SLC35F4: variants seen among roughly 807,000 people sequenced by gnomAD.
The protein encoded by SLC35F4 is chromosome 14 open reading frame 36.
In SLC35F4, 24 loss-of-function variants were observed where a neutral mutation model predicts 44.2. That is an observed-to-expected ratio of 0.54 (90% CI 0.39 to 0.76). SLC35F4 has a LOEUF of 0.76. Among genes scored for constraint, SLC35F4 ranks in the 30% least tolerant of loss-of-function variants. SLC35F4 has a pLI of 0.00. For missense variants in SLC35F4, 562 were observed against 586.1 expected (o/e 0.96, Z 0.42); for synonymous variants, 238 against 223.6 (o/e 1.06, Z -0.57).
chr14:57,698,695 T>C (rs1008591988), intron 1 of SLC35F4, among the ~76,000 whole-genome samples: 2 of 151,210 alleles, frequency 1.3e-5, no homozygotes, highest in Non-Finnish European at 2.9e-5. Context: ...TGGAGTGCAG[T>C]GGCATGATCT....
chr14:57,611,557 T>A (rs892826381), intron 1 of SLC35F4, among the ~76,000 whole-genome samples: 1 of 144,902 alleles, frequency 6.9e-6, no homozygotes, highest in Admixed American at 7.0e-5. Context: ...AGCAGAGTCA[T>A]AGAGCTGAGA....
At chr14:57,838,982 T>G (rs1885221970) in intron 1 of SLC35F4, among the ~76,000 whole-genome samples, 1 of 152,162 alleles carries the variant, frequency 6.6e-6, no homozygotes, top group South Asian at 2.1e-4. Flanking sequence ...CTTGTTGAGC[T>G]CATATTGCCA....
intron 1 of SLC35F4, among the ~76,000 whole-genome samples, chr14:57,861,611 C>T (rs527784510): frequency 1.3e-5 from 2 of 152,288 alleles, no homozygotes; most frequent in East Asian, 3.9e-4. Context: ...TTTATCTATC[C>T]TTATGTGCTC....
At chr14:57,669,344 C>G (rs1475954866) in intron 1 of SLC35F4, among the ~76,000 whole-genome samples, 2 of 151,884 alleles carry the variant, frequency 1.3e-5, no homozygotes, top group East Asian at 3.9e-4. Context: ...CCTGATTGCC[C>G]TGACCAGAAC....
intron 1 of SLC35F4, among the ~76,000 whole-genome samples, chr14:57,801,979 C>T (rs1415524135): frequency 6.6e-6 from 1 of 152,110 alleles, no homozygotes; most frequent in African/African-American, 2.4e-5. Flanking sequence ...ATCAAGTGGA[C>T]CCAATAGATA....
Position 57,582,569 on chromosome 14 carries a change from A to G in SLC35F4, c.588-1136T>C, listed in dbSNP as rs529553965. Among the ~76,000 whole-genome samples, 25 of 152,330 alleles carry G rather than the reference A, an allele frequency of 1.6e-4. No individual in the cohort carries two copies. In the South Asian group the frequency reaches 3.9e-3, roughly 24 times the overall value. On this transcript the variant is annotated intron_variant, in intron 3 of 7. Coordinates refer to ENST00000556826, the MANE Select transcript of SLC35F4 (RefSeq NM_001306087.2). ...TACAGGCAATAATGGAAGTGATACA[A>G]TGACTGTACCTATACGACTATGGAC...
intron 1 of SLC35F4, among the ~76,000 whole-genome samples, chr14:57,669,433 T>A (rs1293116043): frequency 6.6e-6 from 1 of 152,074 alleles, no homozygotes; most frequent in East Asian, 1.9e-4. Flanking sequence ...ATGCTTCCAG[T>A]TTTTGCCCAT....
chr14:57,919,924 G>C (rs183599288), intron 1 of SLC35F4, among the ~76,000 whole-genome samples: 1 of 152,182 alleles, frequency 6.6e-6, no homozygotes. Flanking sequence ...TTTTAGACAT[G>C]GTCATTCTGT....
intron 1 of SLC35F4, among the ~76,000 whole-genome samples, chr14:57,619,034 G>T (rs185347155): frequency 6.6e-6 from 1 of 152,280 alleles, no homozygotes; most frequent in African/African-American, 2.4e-5. Context: ...AAAGGCGGCA[G>T]CTCCAGTCAG....
chr14:57,696,914 G>A (rs2075398851), intron 1 of SLC35F4, among the ~76,000 whole-genome samples: 1 of 152,086 alleles, frequency 6.6e-6, no homozygotes, highest in South Asian at 2.1e-4. Context: ...ACCGGGGCCT[G>A]TCCGGGGTTG....
At chr14:57,889,459 C>G (rs1888716249) in intron 1 of SLC35F4, among the ~76,000 whole-genome samples, 1 of 152,224 alleles carries the variant, frequency 6.6e-6, no homozygotes, top group Non-Finnish European at 1.5e-5. Context: ...GCCATCACTA[C>G]TGAGTAATTC....
At chr14:57,862,061 CT>C (rs145556176) in intron 1 of SLC35F4, among the ~76,000 whole-genome samples, 37 of 152,246 alleles carry the variant, frequency 2.4e-4, no homozygotes, top group African/African-American at 8.7e-4. Context: ...TCCTTATCCC[CT>C]GACAATCCAC....
chr14:57,860,223 T>A (rs1016474445), intron 1 of SLC35F4, among the ~76,000 whole-genome samples: 1 of 151,920 alleles, frequency 6.6e-6, no homozygotes, highest in African/African-American at 2.4e-5. Flanking sequence ...GGTACCCAAG[T>A]AAAAGGGAAA....
intron 1 of SLC35F4, among the ~76,000 whole-genome samples, chr14:57,793,187 G>C (rs998966687): frequency 1.3e-5 from 2 of 151,858 alleles, no homozygotes; most frequent in African/African-American, 4.8e-5. Flanking sequence ...AATAGTAAAG[G>C]GGTGAATCTG....
chr14:57,684,767 A>G (rs943757752), intron 1 of SLC35F4, among the ~76,000 whole-genome samples: 1 of 152,132 alleles, frequency 6.6e-6, no homozygotes, highest in African/African-American at 2.4e-5. Context: ...GAAGGCAGGC[A>G]CCCTCAATAT....
rs1412196967 is a variant in SLC35F4 at position 57,649,990 on chromosome 14, T to TTAAA, written c.104-55867_104-55866insTTTA. On this transcript the variant is annotated intron_variant, in intron 1 of 7. Transcript: ENST00000556826. ...GCACTGGGTATATTGGACCTTTCCTTCAGTCTTTAAACACTCACCTCTCTT... is the reference window on the plus strand; with the variant it reads ...GCACTGGGTATATTGGACCTTTCCTTTAAACAGTCTTTAAACACTCACCTCTCTT... Among the ~76,000 whole-genome samples, 96 of 152,232 alleles carry TTAAA rather than the reference T, an allele frequency of 6.3e-4. 2 individuals carry two copies. The East Asian group carries it at 8.7e-3, about 14-fold the overall frequency.
At chr14:57,889,738 A>G (rs1888721003) in intron 1 of SLC35F4, among the ~76,000 whole-genome samples, 2 of 152,178 alleles carry the variant, frequency 1.3e-5, no homozygotes, top group Admixed American at 6.5e-5. Context: ...TAAGTTTTTA[A>G]ATATCTTTTA....
chr14:57,630,072 A>G (rs547918359), intron 1 of SLC35F4: 4 of 541,770 alleles, frequency 7.4e-6, no homozygotes, highest in Non-Finnish European at 1.1e-5. Context: ...CTTATATTCA[A>G]TTTGAGGATG....
intron 1 of SLC35F4, among the ~76,000 whole-genome samples, chr14:57,760,589 T>C (rs1472936433): frequency 6.6e-6 from 1 of 152,232 alleles, no homozygotes; most frequent in East Asian, 1.9e-4. Flanking sequence ...TTGAGCTTTT[T>C]TTCTGAGACA....
Sources: gnomAD v4.1 joint callset for allele counts (sites outside exome capture counted in the v4.1 genomes callset) on GRCh38, gnomAD v4.1.1 for gene constraint, MANE v1.5 for transcripts, NCBI Gene and HGNC (gene_info 2026-07-23, HGNC 2026-07-21) for gene names.